SLF1: variants seen among roughly 807,000 people sequenced by gnomAD.
SLF1 encodes the protein SMC5-SMC6 complex localization factor protein 1.
In SLF1, 105 loss-of-function variants were observed where a neutral mutation model predicts 123.0. The observed-to-expected ratio is 0.85, with a 90% CI of 0.73 to 1.00. The LOEUF is 1.00. Among genes scored for constraint, SLF1 ranks in the 50% least tolerant of loss-of-function variants. SLF1 has a pLI of 0.00. For synonymous variants in SLF1, 434 were observed against 406.6 expected, an observed-to-expected ratio of 1.07 and a Z score of -0.81; for missense variants, 1,239 against 1,223.0, an observed-to-expected ratio of 1.01 and a Z score of -0.20.
chr5:94,692,510 T>G (rs1257624763), intron 20 of SLF1, among the ~76,000 whole-genome samples: 1 of 152,128 alleles, frequency 6.6e-6, no homozygotes. Flanking sequence ...GAGAGTCTGT[T>G]TTTGAATTGA....
intron 10 of SLF1, among the ~76,000 whole-genome samples, chr5:94,663,511 G>A (rs1005294342): frequency 1.3e-5 from 2 of 152,238 alleles, no homozygotes; most frequent in African/African-American, 4.8e-5. Flanking sequence ...GGGTGTGGTG[G>A]CACGCATCCA....
chr5:94,666,752 T>C (rs2152488411), intron 12 of SLF1, among the ~76,000 whole-genome samples: 1 of 152,330 alleles, frequency 6.6e-6, no homozygotes, highest in Middle Eastern at 3.4e-3. Context: ...TTCTTATGCC[T>C]TAGCCTTCCA....
chr5:94,657,563 A>G (rs1748557088), intron 9 of SLF1, among the ~76,000 whole-genome samples: 1 of 152,054 alleles, frequency 6.6e-6, no homozygotes, highest in Admixed American at 6.5e-5. Context: ...CATTTGTTCT[A>G]AAGTGCAGTT....
chr5:94,673,691 TAAAAAAAA>T (rs35649653), intron 14 of SLF1, among the ~76,000 whole-genome samples: 1 of 119,754 alleles, frequency 8.4e-6, no homozygotes, highest in East Asian at 2.3e-4. Flanking sequence ...CCTTGTCTCT[TAAAAAAAA>T]AAAAAAAAAA....
chr5:94,656,822 T>G (rs1481983858), intron 9 of SLF1, among the ~76,000 whole-genome samples: 1 of 149,854 alleles, frequency 6.7e-6, no homozygotes, highest in South Asian at 2.1e-4. Flanking sequence ...AATTATAATG[T>G]GTCCTTTTTC....
rs958314934 is a variant in SLF1, at chr5:94,697,424, A to G, written c.*2112A>G. ...AAGAAATTCTCAATAAGTAAAGTAT[A>G]ATTCATAGTCTTAGTCCTAGATTTT... On this transcript the variant is annotated 3_prime_UTR_variant, in exon 21 of 21. Coordinates refer to ENST00000265140, the MANE Select transcript of SLF1 (RefSeq NM_032290.4). 5 of 151,940 alleles carry G rather than the reference A, an allele frequency of 3.3e-5. No homozygotes were observed. In the East Asian group the frequency reaches 9.7e-4, roughly 29 times the overall value. The allele number at this position is 151,940 out of a possible 1,614,324, so 9.4% of individuals were successfully genotyped here. A position where few individuals can be genotyped will look rare whatever the true frequency, so the allele number is the denominator to read the frequency against.
At chr5:94,667,591 G>A (rs17083887) in intron 12 of SLF1, among the ~76,000 whole-genome samples, 33,867 of 152,062 alleles carry the variant, frequency 0.22, 3,896 homozygotes, top group East Asian at 0.34. Context: ...AGATGGTTCA[G>A]ATTTCTTAGC....
intron 9 of SLF1, among the ~76,000 whole-genome samples, chr5:94,658,162 G>GTTTTTTTTT (rs202152246): frequency 7.9e-6 from 1 of 126,654 alleles, no homozygotes; most frequent in Non-Finnish European, 1.7e-5. Flanking sequence ...GGTGTTTTTT[G>GTTTTTTTTT]TTTTTTTTTT....
chr5:94,671,010 T>TCTTCAAACATG lies in SLF1; in HGVS notation c.1827+2_1827+3insCTTCAAACATG. The TCTTCAAACATG allele has an allele frequency of 6.6e-7, 1 of 1,508,210 alleles. No homozygotes were observed. Among genetic ancestry groups the TCTTCAAACATG allele is most frequent in the South Asian group, 1.2e-5 (1 of 81,032 alleles). The allele number at this position is 1,508,210 out of a possible 1,614,324, so 93.4% of individuals were successfully genotyped here. A position where few individuals can be genotyped will look rare whatever the true frequency, so the allele number is the denominator to read the frequency against. On this transcript the variant is annotated splice_region_variant and intron_variant, in intron 14 of 20. Coordinates refer to ENST00000265140, the MANE Select transcript of SLF1 (RefSeq NM_032290.4). ...AAGGAAAAATTCAAGTCTAATGATG[T>TCTTCAAACATG]AAGTAGGATTAATTTATAGATGAAT...
At chr5:94,649,147 T>C (rs1747397176) in intron 5 of SLF1, among the ~76,000 whole-genome samples, 1 of 152,206 alleles carries the variant, frequency 6.6e-6, no homozygotes, top group South Asian at 2.1e-4. Flanking sequence ...TAACTTTAGC[T>C]TGGACAGGGA....
rs181819409 is a variant in SLF1, at chr5:94,625,159, C to T, written c.1-3652C>T. Among the ~76,000 whole-genome samples the T allele has an allele frequency of 8.6e-3, 1,281 of 149,254 alleles. 14 individuals carry two copies. Among genetic ancestry groups the T allele is most frequent in the African/African-American group, 0.03 (1,218 of 40,490 alleles). On this transcript the variant is annotated intron_variant, in intron 1 of 20. Transcript: ENST00000265140. ...AGTGAGCTGAGATTGTGCCACTGTA[C>T]TCCAGCCTGGGCGACAGAGCGAGAC...
At chr5:94,661,893 T>G (rs1749166649) in intron 9 of SLF1, among the ~76,000 whole-genome samples, 1 of 152,134 alleles carries the variant, frequency 6.6e-6, no homozygotes, top group Non-Finnish European at 1.5e-5. Flanking sequence ...GATAATCTTT[T>G]AAATATGCAA....
intron 9 of SLF1, among the ~76,000 whole-genome samples, chr5:94,657,774 T>C (rs1238135987): frequency 2.6e-5 from 4 of 152,124 alleles, no homozygotes; most frequent in Non-Finnish European, 5.9e-5. Flanking sequence ...TCTTGCGGAA[T>C]TGATCTTTTT....
At position 94,629,186 on chromosome 5, in the gene SLF1, C is replaced by G; in HGVS notation, c.190+19C>G. 6.5e-6 allele frequency: 10 copies of G among 1,532,360 alleles called. No homozygotes were observed. Among genetic ancestry groups the G allele is most frequent in the Non-Finnish European group, 8.8e-6 (10 of 1,137,326 alleles). The allele number at this position is 1,532,360 out of a possible 1,614,324, so 94.9% of individuals were successfully genotyped here. The stretch of plus-strand genomic sequence containing the variant: ...GCGGCAGGTAAGTTAACTGTCTTCC[C>G]CCAACTTTTAAAAACAATCTTCGTG... On this transcript the variant is annotated intron_variant, in intron 3 of 20. Transcript: ENST00000265140.
At chr5:94,621,589 C>A (rs1425462508) in intron 1 of SLF1, among the ~76,000 whole-genome samples, 1 of 152,114 alleles carries the variant, frequency 6.6e-6, no homozygotes, top group Admixed American at 6.5e-5. Flanking sequence ...TTTTTCTGAA[C>A]CTTTCCTCTC....
chr5:94,686,874 G>A (rs1205683046), intron 16 of SLF1, among the ~76,000 whole-genome samples, 156 bp downstream of exon 16: 1 of 152,136 alleles, frequency 6.6e-6, no homozygotes, highest in South Asian at 2.1e-4. Flanking sequence ...TGTAAGCTCC[G>A]CCTCCCGGGT....
chr5:94,668,824 T>A (rs1400460527), intron 12 of SLF1, among the ~76,000 whole-genome samples: 2 of 152,196 alleles, frequency 1.3e-5, no homozygotes, highest in Non-Finnish European at 2.9e-5. Context: ...TTTCTTACTC[T>A]TGACCTTTCC....
At chr5:94,643,466 T>C in intron 5 of SLF1, 31 bp downstream of exon 5, 1 of 1,334,482 alleles carries the variant, frequency 7.5e-7, no homozygotes, top group Non-Finnish European at 9.9e-7. Context: ...ACATTTTATT[T>C]TGTTTCATGT....
Position 94,649,659 on chromosome 5 carries a change from C to A in SLF1, c.738+62C>A, listed in dbSNP as rs1281440480. 4 of 1,311,404 alleles carry A rather than the reference C, an allele frequency of 3.1e-6. No homozygotes were observed. The African/African-American group carries it at 6.0e-5, about 20-fold the overall frequency. The allele number at this position is 1,311,404 out of a possible 1,614,324, so 81.2% of individuals were successfully genotyped here. On this transcript the variant is annotated intron_variant, in intron 6 of 20. Transcript: ENST00000265140. The stretch of plus-strand genomic sequence containing the variant: ...GTTTCTTATAGAATTGTTTAAGAGG[C>A]AAAGTATGGTGGAAAAAATAGATTT...
Sources: allele counts gnomAD v4.1 joint callset (sites outside exome capture counted in the v4.1 genomes callset), GRCh38; gene constraint gnomAD v4.1.1; transcripts MANE v1.5; gene names NCBI Gene and HGNC (gene_info 2026-07-23, HGNC 2026-07-21).